The following MAP4K2 variants were observed in gnomAD, a reference collection of about 807,000 sequenced individuals.
MAP4K2 encodes the protein B lymphocyte serine/threonine protein kinase.
In MAP4K2, 85 loss-of-function variants were observed where a neutral mutation model predicts 125.3. That is an observed-to-expected ratio of 0.68 (90% CI 0.57 to 0.81). The LOEUF (loss-of-function observed/expected upper bound fraction) is 0.81. Among genes scored for constraint, MAP4K2 ranks in the 40% least tolerant of loss-of-function variants. The pLI is 0.00. For missense variants in MAP4K2, 923 were observed against 1,056.4 expected, an observed-to-expected ratio of 0.87 and a Z score of 1.75; for synonymous variants, 479 against 445.1, an observed-to-expected ratio of 1.08 and a Z score of -0.96.
rs369940309 is a variant in MAP4K2, at chr11:64,801,762, C to G, written c.367-5G>C. On this transcript the variant is annotated splice_region_variant and splice_polypyrimidine_tract_variant and intron_variant, in intron 5 of 31. Coordinates refer to ENST00000294066, the MANE Select transcript of MAP4K2 (RefSeq NM_004579.5). ...AGAATGCAGGTGGTGGAGCCCCTGG[C>G]GACAAAGAGGAGTCCCTGAGAGCAG... 6 of 1,612,706 alleles carry G rather than the reference C, an allele frequency of 3.7e-6. No individual in the cohort carries two copies. The South Asian group carries it at 6.6e-5, about 18-fold the overall frequency.
At chr11:64,799,766 G>A in intron 12 of MAP4K2, 83 bp from the exon 13 acceptor site, 1 of 1,161,426 alleles carries the variant, frequency 8.6e-7, no homozygotes. Flanking sequence ...ACGCACCAGT[G>A]CGTTTTGCTT....
chr11:64,802,964 C>A, intron 1 of MAP4K2, 22 bp from the exon 2 acceptor site: 2 of 1,482,110 alleles, frequency 1.3e-6, no homozygotes, highest in Non-Finnish European at 9.2e-7. Flanking sequence ...GAGGGTGAAG[C>A]GGGATGGGGG....
chr11:64,801,663 AG>A (rs762702448), intron 6 of MAP4K2, 42 bp from the exon 7 acceptor site: 17 of 1,613,544 alleles, frequency 1.1e-5, no homozygotes, highest in Non-Finnish European at 1.4e-5. Flanking sequence ...GGTGCCCCCG[AG>A]GGCCTCCTCC....
intron 24 of MAP4K2, among the ~76,000 whole-genome samples, chr11:64,795,800 G>A (rs1409993257): frequency 1.3e-5 from 2 of 151,978 alleles, no homozygotes; most frequent in Non-Finnish European, 2.9e-5. Context: ...TACAGGATTG[G>A]GATTACAGGC....
At chr11:64,796,155 G>A (rs1025150432) in intron 24 of MAP4K2, 118 bp downstream of exon 24, 66 of 901,194 alleles carry the variant, frequency 7.3e-5, no homozygotes, top group Admixed American at 1.6e-4. Flanking sequence ...AGGAGGAAAC[G>A]GGCGCTCAGA....
At position 64,802,598 on chromosome 11, in the gene MAP4K2, G is replaced by T. The variant is rs1941280389; in HGVS notation, c.210C>A (p.His70Gln). 1.9e-6 allele frequency: 3 copies of T among 1,612,208 alleles called. No homozygotes were observed. Among genetic ancestry groups the T allele is most frequent in the Non-Finnish European group, 2.5e-6 (3 of 1,179,304 alleles). Residue 70 changes from histidine (H) to glutamine (Q), a missense_variant, in exon 3 of 32, where the codon CAC (histidine) becomes CAA (glutamine). His to Gln is a conservative substitution (Grantham distance 24). Transcript: ENST00000294066. ...QEITILRECR[H>Q]PNVVAYIGSY... ...TGCCAATGTAGGCCACCACATTGGG[G>T]TGGCGGCACTCACGCAGGATGGTGA...
At position 64,800,188 on chromosome 11, in the gene MAP4K2, C is replaced by G. The variant is rs141134010; in HGVS notation, c.836G>C (p.Arg279Pro). The part of the protein sequence containing the change: ...QHPFTTQQLP[R>P]ALLTQLLDKA... ...GTCCAGCAGCTGTGTGAGGAGGGCC[C>G]GAGGGAGCTGCTGAGTCGTGAACGG... Residue 279 changes from arginine (R) to proline (P), a missense_variant, in exon 12 of 32, where the codon CGG becomes CCG. Transcript: ENST00000294066. 74 of 1,612,930 alleles carry G rather than the reference C, an allele frequency of 4.6e-5. No individual in the cohort carries two copies. The highest frequency in any genetic ancestry group is 1.1e-5 in the South Asian group (1 of 91,014).
rs1388481014 is a variant in MAP4K2, at chr11:64,803,125, G to A, written c.25C>T (p.Leu9=). Residue 9 remains leucine, a synonymous_variant, in exon 1 of 32, where the codon CTG becomes TTG. Coordinates refer to ENST00000294066, the MANE Select transcript of MAP4K2 (RefSeq NM_004579.5). ...TCGAAGCGGTCCCGCGGGTCCTGCA[G>A]CGACACATCCCGCAGCAGCGCCATG... is the stretch of plus-strand genomic sequence containing the variant. MALLRDVS[L]QDPRDRFELL... The A allele has an allele frequency of 3.2e-6, 5 of 1,572,730 alleles. No homozygotes were observed. Among genetic ancestry groups the A allele is most frequent in the African/African-American group, 1.4e-5 (1 of 71,416 alleles).
At position 64,792,246 on chromosome 11, in the gene MAP4K2, G is replaced by C; in HGVS notation, c.1840C>G (p.Leu614Val). 1.2e-6 allele frequency: 2 copies of C among 1,611,664 alleles called. No homozygotes were observed. Among genetic ancestry groups the C allele is most frequent in the Non-Finnish European group, 1.7e-6 (2 of 1,179,498 alleles). ...AGGCTGGTGGGCAGGGCGGCCAGCA[G>C]GAAGGTGGCACCCGTGTAGGGGTTC... is the stretch of plus-strand genomic sequence containing the variant. ...VRNPYTGATF[L>V]LAALPTSLLL... Residue 614 changes from leucine to valine, a missense_variant, in exon 26 of 32, where the codon CTG becomes GTG. Around this residue, in one of 2 missense-constraint regions of MAP4K2, gnomAD observed 833 missense variants for 911.4 expected, o/e 0.91. Coordinates refer to ENST00000294066, the MANE Select transcript of MAP4K2 (RefSeq NM_004579.5).
At position 64,790,719 on chromosome 11, in the gene MAP4K2, G is replaced by A. The variant is rs560429787; in HGVS notation, c.2093-257C>T. The stretch of plus-strand genomic sequence containing the variant: ...CACGGGAGGGCTCCAGGTTTAAGGG[G>A]ACCAGGCCTCGTGACCCAGTCACTG... On this transcript the variant is annotated intron_variant, in intron 27 of 31. Coordinates refer to ENST00000294066, the MANE Select transcript of MAP4K2 (RefSeq NM_004579.5). Among the ~76,000 whole-genome samples, 367 of 152,286 alleles carry A rather than the reference G, an allele frequency of 2.4e-3. 1 individual carries two copies. The highest frequency in any genetic ancestry group is 4.0e-3 in the Admixed American group (61 of 15,302).
Position 64,797,674 on chromosome 11 carries a change from G to C in MAP4K2, c.1098-10C>G. On this transcript the variant is annotated splice_polypyrimidine_tract_variant and intron_variant, in intron 15 of 31. Coordinates refer to ENST00000294066, the MANE Select transcript of MAP4K2 (RefSeq NM_004579.5). ...CGACTGCAGCAGGCTCCTGGGCAGTGGGGAAAAGGGGTCAGAGGTCAACCT... is the reference window on the plus strand; with the variant it reads ...CGACTGCAGCAGGCTCCTGGGCAGTCGGGAAAAGGGGTCAGAGGTCAACCT... The C allele has an allele frequency of 6.5e-7, 1 of 1,529,800 alleles. No homozygotes were observed. The highest frequency in any genetic ancestry group is 8.8e-7 in the Non-Finnish European group (1 of 1,139,828). The allele number at this position is 1,529,800 out of a possible 1,614,324, so 94.8% of individuals were successfully genotyped here.
rs1156417013 is a variant in MAP4K2 at position 64,791,942 on chromosome 11, C to A, written c.2059G>T (p.Ala687Ser). 5 of 1,602,804 alleles carry A rather than the reference C, an allele frequency of 3.1e-6. No individual in the cohort carries two copies. In the Middle Eastern group the frequency reaches 6.6e-4, roughly 213 times the overall value. The change falls in exon 27 of 32, where the codon GCT (alanine) becomes TCT (serine). Residue 687 changes from alanine to serine, a missense_variant. Physicochemically the swap from Ala to Ser is moderately conservative, Grantham distance 99. Around this residue, in one of 2 missense-constraint regions of MAP4K2, gnomAD observed 833 missense variants for 911.4 expected, o/e 0.91. Transcript: ENST00000294066. ...RVLFHVLPLE[A>S]GLTPDILIPP... ...ATGAGGATGTCGGGCGTCAGGCCAGCCTCCAGGGGCAGGACATGGAACAGG... is the reference window on the plus strand; with the variant it reads ...ATGAGGATGTCGGGCGTCAGGCCAGACTCCAGGGGCAGGACATGGAACAGG...
At chr11:64,801,822 C>A in intron 5 of MAP4K2, 65 bp from the exon 6 acceptor site, 1 of 1,570,064 alleles carries the variant, frequency 6.4e-7, no homozygotes. Context: ...CAAACCCCCT[C>A]TCAGGACTGG....
At position 64,801,913 on chromosome 11, in the gene MAP4K2, G is replaced by C. The variant is rs539954549; in HGVS notation, c.366+153C>G. ...GCCAAGAGGGAAATGGACTGCTTCC[G>C]GCAACAGGGCTGGGGCCCCTTTTCC... On this transcript the variant is annotated intron_variant, in intron 5 of 31. Coordinates refer to ENST00000294066, the MANE Select transcript of MAP4K2 (RefSeq NM_004579.5). 6.9e-4 allele frequency: 776 copies of C among 1,121,834 alleles called. 11 individuals are homozygous for C. In the South Asian group the frequency reaches 0.011, roughly 15 times the overall value. 69.5% of individuals were successfully genotyped at this position (1,121,834 alleles called of 1,614,324 possible).
Position 64,801,161 on chromosome 11 carries a change from C to T in MAP4K2, c.480G>A (p.Glu160=), listed in dbSNP as rs145635203. ...TCCTCTTGGCCACAGACGCTGTCAG[C>T]TCGCCTGACACCCCAAAGTCAGCTG... ...VKLADFGVSG[E]LTASVAKRRS... Residue 160 remains glutamate (E), a synonymous_variant, in exon 8 of 32, where the codon GAG becomes GAA. Transcript: ENST00000294066. 1.2e-4 allele frequency: 191 copies of T among 1,613,280 alleles called. No homozygotes were observed. In the African/African-American group the frequency reaches 1.9e-3, roughly 16 times the overall value.
chr11:64,802,971 GGGGGC>G, intron 1 of MAP4K2, 29 bp from the exon 2 acceptor site: 1 of 1,559,786 alleles, frequency 6.4e-7, no homozygotes, highest in Non-Finnish European at 8.7e-7. Context: ...AAGCGGGATG[GGGGGC>G]GGGGCCGGGG....
intron 7 of MAP4K2, 149 bp from the exon 8 acceptor site, chr11:64,801,332 G>C: frequency 9.3e-7 from 1 of 1,072,094 alleles, no homozygotes; most frequent in South Asian, 1.5e-5. Flanking sequence ...GGCAAGGCCA[G>C]GTCCCTCTCC....
chr11:64,797,677 G>T lies in MAP4K2; in HGVS notation c.1098-13C>A, dbSNP rs1294248796. The T allele has an allele frequency of 2.0e-6, 3 of 1,510,668 alleles. No individual in the cohort carries two copies. The highest frequency in any genetic ancestry group is 4.9e-5 in the East Asian group (2 of 41,190). 93.6% of individuals were successfully genotyped at this position (1,510,668 alleles called of 1,614,324 possible). Reference sequence around the variant, plus strand: ...CTGCAGCAGGCTCCTGGGCAGTGGGGAAAAGGGGTCAGAGGTCAACCTTTC... The same window carrying T: ...CTGCAGCAGGCTCCTGGGCAGTGGGTAAAAGGGGTCAGAGGTCAACCTTTC... On this transcript the variant is annotated splice_polypyrimidine_tract_variant and intron_variant, in intron 15 of 31. Transcript: ENST00000294066.
chr11:64,796,133 T>C (rs1054063451), intron 24 of MAP4K2, 140 bp downstream of exon 24: 64 of 721,130 alleles, frequency 8.9e-5, no homozygotes, highest in Non-Finnish European at 1.3e-4. Flanking sequence ...AGGCCATCAA[T>C]TGTATTGACA....
Sources: allele counts gnomAD v4.1 joint callset (sites outside exome capture counted in the v4.1 genomes callset), GRCh38; gene constraint gnomAD v4.1.1; regional missense constraint gnomAD v4.1.1; transcripts MANE v1.5; gene names NCBI Gene and HGNC (gene_info 2026-07-23, HGNC 2026-07-21).